The following TRAF2 variants were observed in gnomAD, a reference collection of about 807,000 sequenced individuals.
TRAF2 encodes TNF receptor-associated factor 2.
In TRAF2, 6 loss-of-function variants were observed where a neutral mutation model predicts 55.6. The observed-to-expected ratio is 0.11, with a 90% CI of 0.06 to 0.21. The LOEUF (loss-of-function observed/expected upper bound fraction) is 0.21. TRAF2 is among the 10% of genes least tolerant of loss of function. The probability of loss-of-function intolerance (pLI) is 1.00; values close to 1 mark genes in which losing one functional copy is unlikely to be tolerated. For synonymous variants in TRAF2, 329 were observed against 276.3 expected, an observed-to-expected ratio of 1.19 and a Z score of -1.89; for missense variants, 561 against 684.5, an observed-to-expected ratio of 0.82 and a Z score of 2.01.
upstream of TRAF2, chr9:136,886,458 A>C: frequency 2.0e-6 from 2 of 1,005,720 alleles, no homozygotes; most frequent in Non-Finnish European, 1.2e-6. Context: ...CGTCAGGCGC[A>C]CGCGGCGGAG....
At chr9:136,904,700 G>A (rs1405442580) in intron 4 of TRAF2, among the ~76,000 whole-genome samples, 5 of 152,140 alleles carry the variant, frequency 3.3e-5, no homozygotes, top group Admixed American at 1.3e-4. Flanking sequence ...TAGCCACCGC[G>A]CCTGGCCTAA....
intron 3 of TRAF2, among the ~76,000 whole-genome samples, chr9:136,899,972 C>T (rs946766323): frequency 1.3e-5 from 2 of 152,138 alleles, no homozygotes; most frequent in Non-Finnish European, 2.9e-5. Context: ...TCGAGACCAG[C>T]CTGGCGCACA....
intron 4 of TRAF2, among the ~76,000 whole-genome samples, chr9:136,906,854 C>A (rs1263679030): frequency 2.6e-5 from 4 of 152,212 alleles, no homozygotes; most frequent in African/African-American, 9.6e-5. Flanking sequence ...TCTCCCGTTA[C>A]ACTAGCACCT....
intron 6 of TRAF2, among the ~76,000 whole-genome samples, chr9:136,914,902 G>A (rs899717747): frequency 2.6e-5 from 4 of 152,008 alleles, no homozygotes; most frequent in East Asian, 1.9e-4. Context: ...AAAAAAGGCC[G>A]GGTGCGGTGG....
chr9:136,918,273 AATTT>A (rs1564419595), intron 7 of TRAF2, among the ~76,000 whole-genome samples: 9 of 94,800 alleles, frequency 9.5e-5, no homozygotes, highest in Admixed American at 5.9e-4. Flanking sequence ...TTAATTAATT[AATTT>A]ATTTATTTTT....
chr9:136,888,482 A>G (rs1849505037), intron 1 of TRAF2, among the ~76,000 whole-genome samples: 1 of 152,174 alleles, frequency 6.6e-6, no homozygotes, highest in Non-Finnish European at 1.5e-5. Context: ...CCAGTATTGT[A>G]TGAAGCAGTT....
At chr9:136,905,353 C>T (rs1473388501) in intron 4 of TRAF2, among the ~76,000 whole-genome samples, 2 of 152,132 alleles carry the variant, frequency 1.3e-5, no homozygotes, top group South Asian at 2.1e-4. Flanking sequence ...AAGCTAGGCA[C>T]AAGAAGATAA....
intron 6 of TRAF2, 29 bp from the exon 7 acceptor site, chr9:136,916,512 G>A (rs1359171071): frequency 6.2e-7 from 1 of 1,609,116 alleles, no homozygotes. Context: ...AACAGAGAAA[G>A]ATGGCTCTGT....
intron 5 of TRAF2, among the ~76,000 whole-genome samples, chr9:136,908,836 C>G (rs1009570213): frequency 2.7e-5 from 4 of 147,726 alleles, no homozygotes; most frequent in African/African-American, 7.6e-5. Flanking sequence ...CGCCACTGCA[C>G]TCCAGCCCAG....
intron 4 of TRAF2, chr9:136,901,846 T>G (rs911061761): frequency 6.6e-6 from 1 of 152,248 alleles, no homozygotes; most frequent in African/African-American, 2.4e-5. Flanking sequence ...CTCCCCGCCC[T>G]GTGAGCCTGG....
At chr9:136,893,711 ACCT>A (rs1849625342) in intron 1 of TRAF2, among the ~76,000 whole-genome samples, 1 of 150,416 alleles carries the variant, frequency 6.6e-6, no homozygotes, top group Admixed American at 6.6e-5. Context: ...CTTAAAAAGC[ACCT>A]CCTATTTGGG....
At chr9:136,912,977 A>G (rs888844772) in intron 6 of TRAF2, among the ~76,000 whole-genome samples, 53 of 152,316 alleles carry the variant, frequency 3.5e-4, no homozygotes, top group African/African-American at 1.3e-3. Context: ...TACTAAAAAT[A>G]CAAAAATTAG....
At chr9:136,888,496 T>C (rs1160545195) in intron 1 of TRAF2, among the ~76,000 whole-genome samples, 2 of 152,174 alleles carry the variant, frequency 1.3e-5, no homozygotes, top group African/African-American at 4.8e-5. Context: ...AGCAGTTGTG[T>C]GCTGTTGGTG....
rs753645232 is a variant in TRAF2 at position 136,900,408 on chromosome 9, A to G, written c.268-14A>G. The stretch of plus-strand genomic sequence containing the variant: ...TGGGAGGAGGTTTAACCCGAGGGAT[A>G]TTCCTCTCCCCAGGCCTTCCCAGAT... On this transcript the variant is annotated splice_polypyrimidine_tract_variant and intron_variant, in intron 3 of 10. Coordinates refer to ENST00000247668, the MANE Select transcript of TRAF2 (RefSeq NM_021138.4). The G allele has an allele frequency of 1.9e-5, 30 of 1,570,914 alleles. No homozygotes were observed. The highest frequency in any genetic ancestry group is 7.1e-5 in the Admixed American group (4 of 56,408).
chr9:136,902,720 C>T (rs1849850016), intron 4 of TRAF2, among the ~76,000 whole-genome samples: 1 of 152,184 alleles, frequency 6.6e-6, no homozygotes, highest in African/African-American at 2.4e-5. Flanking sequence ...AAATGTCACA[C>T]ATGGGGACGG....
At chr9:136,908,849 G>T (rs557687169) in intron 5 of TRAF2, among the ~76,000 whole-genome samples, 5 of 128,928 alleles carry the variant, frequency 3.9e-5, no homozygotes, top group South Asian at 2.6e-4. Context: ...CAGCCCAGGC[G>T]ACAGAGCGAG....
At chr9:136,904,008 G>A (rs1849886760) in intron 4 of TRAF2, among the ~76,000 whole-genome samples, 1 of 152,080 alleles carries the variant, frequency 6.6e-6, no homozygotes, top group Non-Finnish European at 1.5e-5. Context: ...TTGACATTTC[G>A]AGCATGCAGC....
chr9:136,916,126 T>A (rs1391699880), intron 6 of TRAF2, among the ~76,000 whole-genome samples: 1 of 152,188 alleles, frequency 6.6e-6, no homozygotes, highest in Non-Finnish European at 1.5e-5. Context: ...TTCTGGATTT[T>A]ACGTTTTGCT....
chr9:136,894,515 A>G (rs150512764), intron 1 of TRAF2, among the ~76,000 whole-genome samples: 2 of 152,242 alleles, frequency 1.3e-5, no homozygotes, highest in Non-Finnish European at 2.9e-5. Context: ...GTGCAGATCC[A>G]TAGGGACCAG....
Sources: allele counts gnomAD v4.1 joint callset (sites outside exome capture counted in the v4.1 genomes callset), GRCh38; gene constraint gnomAD v4.1.1; transcripts MANE v1.5; gene names NCBI Gene and HGNC (gene_info 2026-07-23, HGNC 2026-07-21).